Variants in MRPS9 observed in about 807,000 individuals in gnomAD.
MRPS9 encodes small ribosomal subunit protein uS9m.
A neutral mutation model predicts 59.9 loss-of-function variants in MRPS9; 45 were observed. That is an observed-to-expected ratio of 0.75 (90% confidence interval 0.59 to 0.96). MRPS9 has a LOEUF of 0.96. MRPS9 is among the 40% of genes least tolerant of loss of function. The pLI, the probability that MRPS9 is intolerant of heterozygous loss-of-function variation, is 0.00. For missense variants in MRPS9, 473 were observed against 481.1 expected (o/e 0.98, Z 0.16); for synonymous variants, 171 against 166.8 (o/e 1.03, Z -0.19).
Position 105,099,951 on chromosome 2 carries a change from G to A in MRPS9, c.*190G>A. ...AAAAAATAAAAGGAAAATAAAGAAT[G>A]TTAGTTTCATTCTGCCGCTTTATTT... On this transcript the variant is annotated 3_prime_UTR_variant, in exon 11 of 11. Coordinates refer to ENST00000258455, the MANE Select transcript of MRPS9 (RefSeq NM_182640.3). The A allele has an allele frequency of 2.1e-6, 1 of 474,586 alleles. No homozygotes were observed. Among genetic ancestry groups the A allele is most frequent in the Non-Finnish European group, 3.7e-6 (1 of 269,310 alleles). The allele number at this position is 474,586 out of a possible 1,614,324, so 29.4% of individuals were successfully genotyped here.
intron 10 of MRPS9, 195 bp downstream of exon 10, chr2:105,097,519 A>T: frequency 2.1e-6 from 1 of 473,090 alleles, no homozygotes; most frequent in Non-Finnish European, 3.4e-6. Context: ...AGCTTGAATT[A>T]GAAAAAGGGG....
At chr2:105,044,758 A>G (rs1679564796) in intron 1 of MRPS9, among the ~76,000 whole-genome samples, 1 of 152,240 alleles carries the variant, frequency 6.6e-6, no homozygotes, top group African/African-American at 2.4e-5. Flanking sequence ...GCTTGAGAAG[A>G]TGCTAAAATG....
chr2:105,069,065 T>G (rs371824724), intron 2 of MRPS9, among the ~76,000 whole-genome samples: 204 of 152,242 alleles, frequency 1.3e-3, no homozygotes, highest in African/African-American at 4.6e-3. Context: ...GGCAGGGTGT[T>G]TTTTTATAGC....
intron 2 of MRPS9, among the ~76,000 whole-genome samples, chr2:105,062,560 A>G (rs2104449282): frequency 6.6e-6 from 1 of 152,372 alleles, no homozygotes; most frequent in Non-Finnish European, 1.5e-5. Context: ...GTCTTGTAAC[A>G]ATAGATATGT....
chr2:105,097,020 AT>A (rs1319826589), intron 9 of MRPS9, 134 bp from the exon 10 acceptor site: 28 of 823,810 alleles, frequency 3.4e-5, no homozygotes, highest in African/African-American at 7.1e-5. Flanking sequence ...GGTAAAATGG[AT>A]TGATTGAGAA....
intron 2 of MRPS9, among the ~76,000 whole-genome samples, chr2:105,058,359 T>G (rs907250636): frequency 6.6e-6 from 1 of 152,230 alleles, no homozygotes; most frequent in African/African-American, 2.4e-5. Context: ...ACTGCCCAGC[T>G]GGGATGCCTA....
At chr2:105,039,210 A>G (rs1478491492) in intron 1 of MRPS9, among the ~76,000 whole-genome samples, 1 of 142,814 alleles carries the variant, frequency 7.0e-6, no homozygotes, top group Non-Finnish European at 1.5e-5. Flanking sequence ...GTCAAATACC[A>G]TACTTTAAAA....
intron 7 of MRPS9, 179 bp from the exon 8 acceptor site, chr2:105,092,222 C>G: frequency 6.7e-6 from 3 of 449,340 alleles, no homozygotes; most frequent in Non-Finnish European, 1.2e-5. Context: ...ACTAAAGATA[C>G]GCAGGAAAAG....
At chr2:105,072,591 T>G (rs1337458354) in intron 4 of MRPS9, among the ~76,000 whole-genome samples, 1 of 152,176 alleles carries the variant, frequency 6.6e-6, no homozygotes, top group South Asian at 2.1e-4. Context: ...TTAGTAAGCA[T>G]GAAACTCAGC....
rs1680504758 is a variant in MRPS9, at chr2:105,088,982, A to G, written c.490-2A>G. 6.2e-7 allele frequency: 1 copy of G among 1,602,056 alleles called. No homozygotes were observed. Among genetic ancestry groups the G allele is most frequent in the East Asian group, 2.2e-5 (1 of 44,700 alleles). ...ATGTACTGTATATTTTGTTTGCCAT[A>G]GGATGTATATGGAATGTTACTCAAT... On this transcript the variant is annotated splice_acceptor_variant, in intron 5 of 10. Coordinates refer to ENST00000258455, the MANE Select transcript of MRPS9 (RefSeq NM_182640.3). LOFTEE classifies it high-confidence loss of function.
intron 4 of MRPS9, among the ~76,000 whole-genome samples, chr2:105,079,251 A>T (rs962114041): frequency 2.0e-5 from 3 of 152,186 alleles, no homozygotes; most frequent in African/African-American, 7.2e-5. Flanking sequence ...TGGACCAGGA[A>T]GTATAATCTG....
intron 7 of MRPS9, among the ~76,000 whole-genome samples, chr2:105,090,719 C>T (rs1035318055): frequency 4.6e-5 from 7 of 152,182 alleles, no homozygotes; most frequent in African/African-American, 1.7e-4. Flanking sequence ...TTTGATGTTC[C>T]AAATTTATTA....
At chr2:105,060,435 C>A (rs553648039) in intron 2 of MRPS9, among the ~76,000 whole-genome samples, 8 of 152,144 alleles carry the variant, frequency 5.3e-5, no homozygotes, top group African/African-American at 1.9e-4. Context: ...GTGGCGCCAC[C>A]GCGCCTGACT....
intron 5 of MRPS9, among the ~76,000 whole-genome samples, chr2:105,087,541 T>G (rs796959581): frequency 2.9e-4 from 44 of 152,328 alleles, no homozygotes; most frequent in African/African-American, 9.9e-4. Flanking sequence ...ACCAATTTTG[T>G]AGCTTCTAGT....
intron 2 of MRPS9, among the ~76,000 whole-genome samples, chr2:105,057,310 C>A (rs1679808246): frequency 6.6e-6 from 1 of 152,160 alleles, no homozygotes; most frequent in Admixed American, 6.5e-5. Flanking sequence ...AGCAAATAGA[C>A]CTTAATGCTG....
At chr2:105,038,946 G>T (rs892831607) in intron 1 of MRPS9, among the ~76,000 whole-genome samples, 1 of 152,184 alleles carries the variant, frequency 6.6e-6, no homozygotes, top group Non-Finnish European at 1.5e-5. Context: ...GAGGAGAACT[G>T]ATTTCGAAAT....
chr2:105,097,348 A>T, intron 10 of MRPS9, 24 bp downstream of exon 10: 5 of 1,556,922 alleles, frequency 3.2e-6, no homozygotes, highest in Non-Finnish European at 3.5e-6. Flanking sequence ...TGGGACGGGC[A>T]TGGTGGCCCA....
At chr2:105,076,804 T>C (rs1003749050) in intron 4 of MRPS9, among the ~76,000 whole-genome samples, 11 of 152,206 alleles carry the variant, frequency 7.2e-5, no homozygotes, top group Non-Finnish European at 1.6e-4. Flanking sequence ...ACTAGGAAAT[T>C]TGAAACATGC....
chr2:105,079,759 T>G (rs927859876), intron 4 of MRPS9, among the ~76,000 whole-genome samples: 1 of 152,212 alleles, frequency 6.6e-6, no homozygotes, highest in South Asian at 2.1e-4. Context: ...AATTTTTAAA[T>G]TAAATGTAAA....
Sources: allele counts gnomAD v4.1 joint callset (sites outside exome capture counted in the v4.1 genomes callset), GRCh38; gene constraint gnomAD v4.1.1; transcripts MANE v1.5; gene names NCBI Gene and HGNC (gene_info 2026-07-23, HGNC 2026-07-21).